ERI1: variants seen among roughly 807,000 people sequenced by gnomAD.
ERI1 encodes 3'-5' exoribonuclease 1.
In ERI1, 39 loss-of-function variants were observed where a neutral mutation model predicts 39.7. The ratio of observed to expected loss-of-function variants is 0.98; its 90% confidence interval spans 0.76 to 1.28. ERI1 has a LOEUF of 1.28. ERI1 is among the 50% of genes most tolerant of loss of function. ERI1 has a pLI of 0.00. For synonymous variants in ERI1, 204 were observed against 149.6 expected (o/e 1.36, Z -2.65); for missense variants, 581 against 416.9 (o/e 1.39, Z -3.43).
intron 3 of ERI1, among the ~76,000 whole-genome samples, chr8:9,013,345 T>C (rs1816878231): frequency 7.2e-6 from 1 of 138,712 alleles, no homozygotes; most frequent in African/African-American, 2.6e-5. Context: ...AAAAAAAAAA[T>C]TAACACTGCA....
chr8:9,067,230 CAA>C (rs998486634), intron 3 of ERI1, among the ~76,000 whole-genome samples: 3 of 152,100 alleles, frequency 2.0e-5, no homozygotes, highest in African/African-American at 7.2e-5. Flanking sequence ...ATGTTATACT[CAA>C]AGACTGTATA....
rs1797499559 is a variant in ERI1 at position 9,030,325 on chromosome 8, A to T, written c.*291A>T. 3.1e-6 allele frequency: 1 copy of T among 322,872 alleles called. No homozygotes were observed. Among genetic ancestry groups the T allele is most frequent in the Non-Finnish European group, 5.8e-6 (1 of 171,402 alleles). 20.0% of individuals were successfully genotyped at this position (322,872 alleles called of 1,614,324 possible). A position where few individuals can be genotyped will look rare whatever the true frequency, so the allele number is the denominator to read the frequency against. ...TTCAAGATATATTCTTTTTGGTTTTAAAATGCAAAATCTTATTGGCTGTTC... is the reference window on the plus strand; with the variant it reads ...TTCAAGATATATTCTTTTTGGTTTTTAAATGCAAAATCTTATTGGCTGTTC... On this transcript the variant is annotated 3_prime_UTR_variant, in exon 7 of 7. Coordinates refer to ENST00000250263, the MANE Select transcript of ERI1 (RefSeq NM_153332.4).
intron 1 of ERI1, among the ~76,000 whole-genome samples, chr8:9,004,542 G>A (rs1344640373): frequency 2.4e-5 from 3 of 126,626 alleles, no homozygotes; most frequent in Non-Finnish European, 3.1e-5. Context: ...GCCCTCTCCC[G>A]TAGTCCCAGC....
chr8:9,065,737 C>T lies in ERI1; in HGVS notation n.299+45273C>T, dbSNP rs1798853260. On this transcript the variant is annotated intron_variant and non_coding_transcript_variant, in intron 3 of 3. Coordinates refer to the ERI1 transcript ENST00000518663. ...AAAGGCTGACTCCTGACAATACGTG[C>T]AAAAATATAAAAGGAAACTAAAAAA... 4.3e-5 allele frequency among the ~76,000 whole-genome samples: 5 copies of T among 117,568 alleles called. No homozygotes were observed. In the South Asian group the frequency reaches 8.5e-4, roughly 20 times the overall value. 77.1% of individuals were successfully genotyped at this position (117,568 alleles called of 152,430 possible). A position where few individuals can be genotyped will look rare whatever the true frequency, so the allele number is the denominator to read the frequency against.
downstream of ERI1, among the ~76,000 whole-genome samples, chr8:9,033,915 A>G (rs545243767): frequency 1.3e-5 from 2 of 152,272 alleles, no homozygotes; most frequent in Non-Finnish European, 2.9e-5. Context: ...GTTGCAAATC[A>G]GGAGGTAATT....
chr8:9,030,028 A>G lies in ERI1; in HGVS notation c.1044A>G (p.Arg348=). ...GTPPPQMPHF[R]K Reference sequence around the variant, plus strand: ...CACCACCACAAATGCCACATTTTAGAAAGTAACAACAGTTTTGTGTGTGGA... The same window carrying G: ...CACCACCACAAATGCCACATTTTAGGAAGTAACAACAGTTTTGTGTGTGGA... The change falls in exon 7 of 7, where the codon AGA becomes AGG. Residue 348 remains arginine, a synonymous_variant. Coordinates refer to ENST00000250263, the MANE Select transcript of ERI1 (RefSeq NM_153332.4). The G allele has an allele frequency of 6.3e-7, 1 of 1,584,902 alleles. No individual in the cohort carries two copies. The highest frequency in any genetic ancestry group is 8.6e-7 in the Non-Finnish European group (1 of 1,165,934).
At chr8:9,047,698 C>G (rs1422243658) in intron 3 of ERI1, among the ~76,000 whole-genome samples, 1 of 148,950 alleles carries the variant, frequency 6.7e-6, no homozygotes, top group African/African-American at 2.5e-5. Flanking sequence ...GACCCTGTCT[C>G]TTAAAAAGAA....
At position 9,021,766 on chromosome 8, in the gene ERI1, TTTTTTTTG is replaced by T. The variant is rs1449310536; in HGVS notation, c.807+1310_807+1317del. ...AGTATTATACTGGCTATATTATTTG[TTTTTTTTG>T]TTTTTTTTTTTTTTTCAATATTATG... On this transcript the variant is annotated intron_variant, in intron 6 of 6. Transcript: ENST00000250263. Among the ~76,000 whole-genome samples, 204 of 81,684 alleles carry T rather than the reference TTTTTTTTG, an allele frequency of 2.5e-3. 1 individual carries two copies. The highest frequency in any genetic ancestry group is 4.3e-3 in the African/African-American group (95 of 21,990). The allele number at this position is 81,684 out of a possible 152,430, so 53.6% of individuals were successfully genotyped here.
chr8:9,065,973 G>T (rs1167108536), intron 3 of ERI1, among the ~76,000 whole-genome samples: 1 of 152,118 alleles, frequency 6.6e-6, no homozygotes, highest in East Asian at 1.9e-4. Context: ...GAAGGGAAGT[G>T]GAGGGTGAAT....
chr8:9,025,353 C>G (rs1411223054), intron 6 of ERI1, among the ~76,000 whole-genome samples: 1 of 152,172 alleles, frequency 6.6e-6, no homozygotes, highest in Non-Finnish European at 1.5e-5. Flanking sequence ...CTTTGAAATG[C>G]AAGAATCTTG....
chr8:9,004,188 C>T (rs2117163292), intron 1 of ERI1: 3 of 1,286,354 alleles, frequency 2.3e-6, no homozygotes, highest in South Asian at 2.5e-5. Context: ...TATCTTTCTC[C>T]TTCTAAGGTT....
chr8:9,054,675 A>T (rs987426449), intron 3 of ERI1, among the ~76,000 whole-genome samples: 1 of 152,262 alleles, frequency 6.6e-6, no homozygotes, highest in Non-Finnish European at 1.5e-5. Flanking sequence ...CTGTGATCCC[A>T]GCACTTTGGG....
chr8:9,037,890 T>TAAAA (rs139374560), downstream of ERI1, among the ~76,000 whole-genome samples: 3 of 115,850 alleles, frequency 2.6e-5, no homozygotes, highest in Non-Finnish European at 3.7e-5. Flanking sequence ...CATTGCTGAT[T>TAAAA]TAAAAAAAAA....
chr8:9,078,890 T>C (rs1208357299), intron 3 of ERI1, among the ~76,000 whole-genome samples: 4 of 152,166 alleles, frequency 2.6e-5, no homozygotes, highest in African/African-American at 4.8e-5. Context: ...CATTAACAAG[T>C]ACACAAACCT....
At chr8:9,052,041 G>T (rs942403811) in intron 3 of ERI1, among the ~76,000 whole-genome samples, 3 of 152,208 alleles carry the variant, frequency 2.0e-5, no homozygotes, top group African/African-American at 7.2e-5. Flanking sequence ...AGTGAGAAAT[G>T]AAAGAATTAA....
chr8:9,082,321 C>G (rs6987277), intron 3 of ERI1, among the ~76,000 whole-genome samples: 20,933 of 152,232 alleles, frequency 0.14, 1,609 homozygotes, highest in Middle Eastern at 0.2. Flanking sequence ...CTTCCTTCCT[C>G]TGGCTCACGT....
intron 3 of ERI1, among the ~76,000 whole-genome samples, chr8:9,099,548 C>G (rs997334760): frequency 6.7e-6 from 1 of 148,456 alleles, no homozygotes; most frequent in Admixed American, 6.8e-5. Flanking sequence ...TGAGCTGTGA[C>G]GGTATCATTG....
intron 3 of ERI1, among the ~76,000 whole-genome samples, chr8:9,089,241 CA>C (rs1344757005): frequency 6.6e-6 from 1 of 152,144 alleles, no homozygotes; most frequent in African/African-American, 2.4e-5. Flanking sequence ...TATTCCAGAC[CA>C]TTCTCACCTT....
chr8:9,018,867 A>G (rs778047537), intron 5 of ERI1, among the ~76,000 whole-genome samples: 3 of 152,264 alleles, frequency 2.0e-5, no homozygotes, highest in Non-Finnish European at 4.4e-5. Flanking sequence ...CTTCTCGACA[A>G]CTTTATCATT....
Sources: allele counts gnomAD v4.1 joint callset (sites outside exome capture counted in the v4.1 genomes callset), GRCh38; gene constraint gnomAD v4.1.1; transcripts MANE v1.5; gene names NCBI Gene and HGNC (gene_info 2026-07-23, HGNC 2026-07-21).